The following AFF3 variants were observed in gnomAD, a reference collection of about 807,000 sequenced individuals.
AFF3 encodes the protein ALF transcription elongation factor 3, also known as AF4/FMR2 family member 3.
Under a neutral mutation model 129.7 loss-of-function variants are expected in AFF3, and 32 were observed. That is an observed-to-expected ratio of 0.25 (90% CI 0.19 to 0.33). The LOEUF is 0.33. Ranked by LOEUF, AFF3 falls within the 10% of genes least tolerant of loss-of-function variation. The pLI is 1.00. For missense variants in AFF3, 1,373 were observed against 1,592.0 expected, an observed-to-expected ratio of 0.86 and a Z score of 2.34; for synonymous variants, 644 against 635.4, an observed-to-expected ratio of 1.01 and a Z score of -0.20.
intron 11 of AFF3, among the ~76,000 whole-genome samples, chr2:99,708,480 TC>T (rs1293208548): frequency 6.6e-6 from 1 of 152,104 alleles, no homozygotes; most frequent in Admixed American, 6.6e-5. Flanking sequence ...GCAAAATTGG[TC>T]CCCCAGGCAA....
At chr2:99,694,816 C>A (rs1051094565) in intron 11 of AFF3, among the ~76,000 whole-genome samples, 1 of 152,234 alleles carries the variant, frequency 6.6e-6, no homozygotes, top group African/African-American at 2.4e-5. Context: ...AAGCGACTCT[C>A]CTGACTCAGC....
chr2:100,092,246 C>G (rs1689919700), intron 4 of AFF3, among the ~76,000 whole-genome samples: 1 of 151,972 alleles, frequency 6.6e-6, no homozygotes, highest in South Asian at 2.1e-4. Flanking sequence ...TCTCATCACA[C>G]AAGCTAGATA....
intron 13 of AFF3, among the ~76,000 whole-genome samples, chr2:99,634,795 C>T (rs1260020379): frequency 2.6e-5 from 4 of 151,720 alleles, no homozygotes; most frequent in African/African-American, 9.7e-5. Flanking sequence ...GGTTGAAGTC[C>T]CCAGATCCAC....
At position 99,723,632 on chromosome 2, in the gene AFF3, T is replaced by A. The variant is rs551853633; in HGVS notation, c.1091+3445A>T. Among the ~76,000 whole-genome samples the A allele has an allele frequency of 1.7e-3, 265 of 152,302 alleles. 1 individual carries two copies. Among genetic ancestry groups the A allele is most frequent in the Non-Finnish European group, 2.9e-3 (197 of 68,022 alleles). ...TAGGCTGTCTCCCCTTTTCCCATTT[T>A]CAGAAATCTGTGTACCCCTGGTTCT... On this transcript the variant is annotated intron_variant, in intron 11 of 24. Transcript: ENST00000672756.
At chr2:99,971,179 T>C (rs1485426060) in intron 7 of AFF3, among the ~76,000 whole-genome samples, 1 of 152,168 alleles carries the variant, frequency 6.6e-6, no homozygotes, top group Non-Finnish European at 1.5e-5. Context: ...CCTAGGGTTT[T>C]CCTCTGATGT....
intron 8 of AFF3, among the ~76,000 whole-genome samples, chr2:99,759,849 A>G (rs1297062530): frequency 6.6e-6 from 1 of 152,252 alleles, no homozygotes; most frequent in African/African-American, 2.4e-5. Flanking sequence ...CGAATGGACT[A>G]TCCTGATTTC....
At position 99,837,436 on chromosome 2, in the gene AFF3, T is replaced by C. The variant is rs368417455; in HGVS notation, c.921+41A>G. 306 of 1,583,552 alleles carry C rather than the reference T, an allele frequency of 1.9e-4. 2 individuals carry two copies. In the South Asian group the frequency reaches 3.2e-3, roughly 17 times the overall value. On this transcript the variant is annotated intron_variant, in intron 8 of 24. Transcript: ENST00000672756. ...AGGTTTCCTTTCTATTTAGAGTCTA[T>C]GTCCCACAGATTGATAAGACTGTTT...
chr2:99,782,314 C>G (rs1344110458), intron 8 of AFF3, among the ~76,000 whole-genome samples: 1 of 152,268 alleles, frequency 6.6e-6, no homozygotes, highest in African/African-American at 2.4e-5. Flanking sequence ...GCAGGATTCC[C>G]TTTTTATGTT....
In AFF3 at chr2:99,779,726, T is replaced by C. The variant is rs565142691; in HGVS notation, c.922-27425A>G. On this transcript the variant is annotated intron_variant, in intron 8 of 24. Coordinates refer to ENST00000672756, the MANE Select transcript of AFF3 (RefSeq NM_001386135.1). Reference sequence around the variant, plus strand: ...CACTTTGTATGTCCATGTGTACCCATTGATTAGCTTCCACTTGTAAATGAG... The same window carrying C: ...CACTTTGTATGTCCATGTGTACCCACTGATTAGCTTCCACTTGTAAATGAG... 1.1e-3 allele frequency among the ~76,000 whole-genome samples: 166 copies of C among 152,344 alleles called. 1 individual carries two copies. The highest frequency in any genetic ancestry group is 3.4e-3 in the Middle Eastern group (1 of 294).
At chr2:100,025,953 ACAAC>A (rs1024562910) in intron 4 of AFF3, among the ~76,000 whole-genome samples, 1 of 152,254 alleles carries the variant, frequency 6.6e-6, no homozygotes, top group East Asian at 1.9e-4. Flanking sequence ...ATTCTAGAAG[ACAAC>A]ATTGGAAAAA....
chr2:100,052,494 G>C (rs1245860580), intron 4 of AFF3, among the ~76,000 whole-genome samples: 2 of 152,020 alleles, frequency 1.3e-5, no homozygotes, highest in Non-Finnish European at 2.9e-5. Flanking sequence ...CTGCCTTCTA[G>C]AACTACCCTG....
intron 4 of AFF3, among the ~76,000 whole-genome samples, chr2:100,029,462 AC>A (rs1281388232): frequency 2.6e-5 from 4 of 152,140 alleles, no homozygotes; most frequent in Admixed American, 1.3e-4. Flanking sequence ...TGTCTAAGCC[AC>A]CCGGTCGGTG....
chr2:99,655,556 T>G (rs2105696218), intron 12 of AFF3, among the ~76,000 whole-genome samples: 1 of 151,964 alleles, frequency 6.6e-6, no homozygotes, highest in African/African-American at 2.4e-5. Flanking sequence ...GTTCGGCAAG[T>G]GGTAGGGACA....
At chr2:99,933,057 T>C (rs974515977) in intron 7 of AFF3, among the ~76,000 whole-genome samples, 6 of 152,166 alleles carry the variant, frequency 3.9e-5, no homozygotes, top group South Asian at 2.1e-4. Flanking sequence ...TTAAAAGAGA[T>C]TGATGTTTCC....
intron 14 of AFF3, among the ~76,000 whole-genome samples, chr2:99,598,254 G>T (rs1028419416): frequency 6.6e-6 from 1 of 151,928 alleles, no homozygotes; most frequent in Non-Finnish European, 1.5e-5. Flanking sequence ...TTTCCTCCAC[G>T]TAATATATAT....
rs7583493 is a variant in AFF3 at position 100,034,646 on chromosome 2, T to A, written c.54-25714A>T. 3.6e-3 allele frequency among the ~76,000 whole-genome samples: 542 copies of A among 152,158 alleles called. 4 individuals carry two copies. The highest frequency in any genetic ancestry group is 0.012 in the African/African-American group (482 of 41,516). Reference sequence around the variant, plus strand: ...TTCTCTTTACAACAAGGATTTTGAGTGATTCTAAATTACACTTTACATAAC... The same window carrying A: ...TTCTCTTTACAACAAGGATTTTGAGAGATTCTAAATTACACTTTACATAAC... On this transcript the variant is annotated intron_variant, in intron 4 of 24. Transcript: ENST00000672756.
At chr2:100,137,156 G>A (rs1188989304) in intron 1 of AFF3, among the ~76,000 whole-genome samples, 1 of 152,096 alleles carries the variant, frequency 6.6e-6, no homozygotes, top group East Asian at 1.9e-4. Flanking sequence ...TTATATAACC[G>A]ATGTATAAGG....
chr2:100,121,693 C>T (rs1691972843), intron 2 of AFF3, among the ~76,000 whole-genome samples: 1 of 152,130 alleles, frequency 6.6e-6, no homozygotes, highest in South Asian at 2.1e-4. Flanking sequence ...AAGTTCTTGT[C>T]CAGGCAGTTA....
Position 99,547,331 on chromosome 2 carries a change from T to C in AFF3, c.*4143A>G, listed in dbSNP as rs960908893. The C allele has an allele frequency of 1.4e-5, 3 of 218,152 alleles. No homozygotes were observed. Among genetic ancestry groups the C allele is most frequent in the African/African-American group, 6.7e-5 (3 of 44,462 alleles). 13.5% of individuals were successfully genotyped at this position (218,152 alleles called of 1,614,324 possible). On this transcript the variant is annotated 3_prime_UTR_variant, in exon 25 of 25. Coordinates refer to ENST00000672756, the MANE Select transcript of AFF3 (RefSeq NM_001386135.1). ...GTTTAATCCAAGTCCGTTTATAAAT[T>C]CCAATTTCACATGGATTAAAAACTG...
Sources: gnomAD v4.1 joint callset for allele counts (sites outside exome capture counted in the v4.1 genomes callset) on GRCh38, gnomAD v4.1.1 for gene constraint, MANE v1.5 for transcripts, NCBI Gene and HGNC (gene_info 2026-07-23, HGNC 2026-07-21) for gene names.